Variants in REEP3 observed in about 807,000 individuals in gnomAD.
REEP3 encodes the protein receptor accessory protein 3, also known as receptor expression-enhancing protein 3.
In REEP3, 20 loss-of-function variants were observed where a neutral mutation model predicts 41.3. The observed-to-expected ratio is 0.48, with a 90% CI of 0.34 to 0.70. The LOEUF is 0.70. Among genes scored for constraint, REEP3 ranks in the 30% least tolerant of loss-of-function variants. The probability of loss-of-function intolerance (pLI) is 0.01; values close to 1 mark genes in which losing one functional copy is unlikely to be tolerated. For missense variants in REEP3, 271 were observed against 308.8 expected (o/e 0.88, Z 0.92); for synonymous variants, 104 against 101.8 (o/e 1.02, Z -0.13).
chr10:63,548,733 A>T (rs1321353247), intron 1 of REEP3, among the ~76,000 whole-genome samples: 1 of 152,228 alleles, frequency 6.6e-6, no homozygotes, highest in Non-Finnish European at 1.5e-5. Context: ...ATTGAAAAAA[A>T]AAATGCTAGC....
intron 2 of REEP3, among the ~76,000 whole-genome samples, chr10:63,576,969 T>C (rs903002180): frequency 1.3e-5 from 2 of 152,226 alleles, no homozygotes; most frequent in Non-Finnish European, 2.9e-5. Flanking sequence ...AAGTTAGAAC[T>C]TCAACCTGTG....
chr10:63,562,225 T>G (rs1416940377), intron 1 of REEP3, among the ~76,000 whole-genome samples: 1 of 152,032 alleles, frequency 6.6e-6, no homozygotes, highest in Non-Finnish European at 1.5e-5. Flanking sequence ...TGAAGTCGCT[T>G]TCACAGGTAA....
chr10:63,619,848 C>T (rs1230250600), intron 7 of REEP3, 48 bp downstream of exon 7: 2 of 1,515,722 alleles, frequency 1.3e-6, no homozygotes, highest in South Asian at 1.2e-5. Flanking sequence ...GAAGGATTTC[C>T]CTGCTGTGTT....
intron 1 of REEP3, among the ~76,000 whole-genome samples, 169 bp from the exon 2 acceptor site, chr10:63,566,169 C>T (rs1000124477): frequency 6.6e-6 from 1 of 152,124 alleles, no homozygotes; most frequent in Non-Finnish European, 1.5e-5. Context: ...CAGGCGTGAG[C>T]CACTGCGCCT....
At chr10:63,552,682 A>T (rs1197400550) in intron 1 of REEP3, among the ~76,000 whole-genome samples, 1 of 152,136 alleles carries the variant, frequency 6.6e-6, no homozygotes, top group East Asian at 1.9e-4. Context: ...ATGTTTCTTT[A>T]GGGAGGAAAA....
chr10:63,585,855 G>T (rs1486842936), intron 2 of REEP3, among the ~76,000 whole-genome samples: 1 of 151,958 alleles, frequency 6.6e-6, no homozygotes, highest in African/African-American at 2.4e-5. Flanking sequence ...ATATTTCCTT[G>T]TATACTTGGG....
chr10:63,557,415 C>T (rs7071023), intron 1 of REEP3, among the ~76,000 whole-genome samples: 150,074 of 152,348 alleles, frequency 0.99, 73,954 homozygotes, highest in Middle Eastern at 1. Flanking sequence ...TATAACTTAT[C>T]TTACTGTTTG....
At chr10:63,614,842 A>G (rs570543831) in intron 6 of REEP3, among the ~76,000 whole-genome samples, 1 of 152,360 alleles carries the variant, frequency 6.6e-6, no homozygotes, top group South Asian at 2.1e-4. Flanking sequence ...GGCAGTAATC[A>G]TCATAATTTA....
At chr10:63,584,539 A>G (rs531226130) in intron 2 of REEP3, among the ~76,000 whole-genome samples, 1 of 152,108 alleles carries the variant, frequency 6.6e-6, no homozygotes, top group Middle Eastern at 3.4e-3. Flanking sequence ...CAGCTCTGAG[A>G]AAAAATCCCG....
chr10:63,542,262 A>T (rs1287683387), intron 1 of REEP3, among the ~76,000 whole-genome samples: 4 of 152,020 alleles, frequency 2.6e-5, no homozygotes, highest in African/African-American at 9.7e-5. Flanking sequence ...TATTTTTAAT[A>T]GAGACAGGGT....
intron 1 of REEP3, among the ~76,000 whole-genome samples, chr10:63,565,821 A>G (rs1955792517): frequency 6.6e-6 from 1 of 152,104 alleles, no homozygotes; most frequent in Non-Finnish European, 1.5e-5. Flanking sequence ...AAGTTTTAGA[A>G]GTCAATTTTT....
chr10:63,554,227 C>G (rs964622764), intron 1 of REEP3, among the ~76,000 whole-genome samples: 2 of 152,132 alleles, frequency 1.3e-5, no homozygotes, highest in African/African-American at 4.8e-5. Context: ...AACAACTCCT[C>G]TGAGTCAAGA....
chr10:63,522,543 C>T (rs1955290722), intron 1 of REEP3, among the ~76,000 whole-genome samples: 1 of 151,984 alleles, frequency 6.6e-6, no homozygotes, highest in Non-Finnish European at 1.5e-5. Flanking sequence ...CATTATTCAC[C>T]TCTGTAGTAG....
chr10:63,568,573 T>C (rs1366612789), intron 2 of REEP3, among the ~76,000 whole-genome samples: 1 of 151,588 alleles, frequency 6.6e-6, no homozygotes, highest in African/African-American at 2.4e-5. Context: ...TGCCGACTAA[T>C]ACTTTTATAA....
intron 5 of REEP3, among the ~76,000 whole-genome samples, chr10:63,601,264 AT>A (rs1353195025): frequency 6.6e-6 from 1 of 152,160 alleles, no homozygotes; most frequent in African/African-American, 2.4e-5. Flanking sequence ...TACCATCATG[AT>A]TTTCACCCTC....
chr10:63,613,436 GA>G (rs1394178951), intron 6 of REEP3, among the ~76,000 whole-genome samples: 1 of 152,190 alleles, frequency 6.6e-6, no homozygotes, highest in East Asian at 1.9e-4. Context: ...AGCAGTATAA[GA>G]AAGATATTTG....
chr10:63,561,388 C>T (rs527964057), intron 1 of REEP3, among the ~76,000 whole-genome samples: 42 of 151,846 alleles, frequency 2.8e-4, no homozygotes, highest in South Asian at 8.3e-4. Context: ...AAATAAAGAC[C>T]GGGAAGAAAG....
At chr10:63,587,189 T>C (rs1159697303) in intron 2 of REEP3, among the ~76,000 whole-genome samples, 1 of 152,206 alleles carries the variant, frequency 6.6e-6, no homozygotes, top group Non-Finnish European at 1.5e-5. Context: ...GGGATCACAA[T>C]AATAATTTAA....
chr10:63,619,653 A>C lies in REEP3; in HGVS notation c.566-2A>C. 6.3e-7 allele frequency: 1 copy of C among 1,597,056 alleles called. No homozygotes were observed. The highest frequency in any genetic ancestry group is 8.5e-7 in the Non-Finnish European group (1 of 1,171,372). ...ACATGCTGTTTTTGACAACTTGTTT[A>C]GGTTATGGAATTCCACTGAAAGACG... On this transcript the variant is annotated splice_acceptor_variant, in intron 6 of 7. Transcript: ENST00000373758. LOFTEE classifies it high-confidence loss of function.
Sources: allele counts gnomAD v4.1 joint callset (sites outside exome capture counted in the v4.1 genomes callset), GRCh38; gene constraint gnomAD v4.1.1; transcripts MANE v1.5; gene names NCBI Gene and HGNC (gene_info 2026-07-23, HGNC 2026-07-21).